MIGA2: variants seen among roughly 807,000 people sequenced by gnomAD.
MIGA2 encodes the protein family with sequence similarity 73, member B.
In MIGA2, 36 loss-of-function variants were observed where a neutral mutation model predicts 69.9. The observed-to-expected ratio is 0.52, with a 90% CI of 0.39 to 0.68. The LOEUF (loss-of-function observed/expected upper bound fraction) is 0.68. Among genes scored for constraint, MIGA2 ranks in the 30% least tolerant of loss-of-function variants. The probability of loss-of-function intolerance (pLI) is 0.00; values close to 1 mark genes in which losing one functional copy is unlikely to be tolerated. For synonymous variants in MIGA2, 333 were observed against 349.2 expected, an observed-to-expected ratio of 0.95 and a Z score of 0.52; for missense variants, 660 against 787.7, an observed-to-expected ratio of 0.84 and a Z score of 1.94.
intron 5 of MIGA2, 144 bp from the exon 6 acceptor site, chr9:129,049,683 G>A: frequency 7.4e-7 from 1 of 1,350,156 alleles, no homozygotes; most frequent in Non-Finnish European, 1.0e-6. Flanking sequence ...CTGAAAGAAG[G>A]CCTGGAACCT....
At chr9:129,043,722 G>A (rs1406632948) in intron 3 of MIGA2, among the ~76,000 whole-genome samples, 4 of 150,326 alleles carry the variant, frequency 2.7e-5, no homozygotes, top group African/African-American at 9.8e-5. Flanking sequence ...TTTTTGAGAC[G>A]GAGTCTCACT....
chr9:129,048,370 C>A (rs556165816), intron 3 of MIGA2, 57 bp from the exon 4 acceptor site: 2 of 1,389,856 alleles, frequency 1.4e-6, no homozygotes, highest in Non-Finnish European at 2.0e-6. Flanking sequence ...GTGGGGGCAG[C>A]CCGTGTAAAG....
intron 1 of MIGA2, chr9:129,036,913 C>G (rs1844619478): frequency 2.0e-6 from 2 of 998,714 alleles, no homozygotes; most frequent in African/African-American, 1.8e-5. Flanking sequence ...TGGAACGTGG[C>G]GGGGATTGGA....
rs1845962277 is a variant in MIGA2, at chr9:129,059,628, A to G, written c.793+357A>G. On this transcript the variant is annotated intron_variant, in intron 7 of 15. Transcript: ENST00000684074. The surrounding 1 kb of genome is among the most constrained non-coding windows in gnomAD (Gnocchi z 5.6). ...TGGCTCAAACTGGGTGGGTGGATGG[A>G]GTGACTCACGGGAGGTTCACTCAGA... Among the ~76,000 whole-genome samples, 1 of 152,114 alleles carries G rather than the reference A, an allele frequency of 6.6e-6. No homozygotes were observed. The highest frequency in any genetic ancestry group is 1.5e-5 in the Non-Finnish European group (1 of 68,016).
intron 3 of MIGA2, among the ~76,000 whole-genome samples, chr9:129,046,691 C>T (rs765186439): frequency 6.6e-6 from 1 of 152,126 alleles, no homozygotes; most frequent in African/African-American, 2.4e-5. Context: ...AGGTGATCTG[C>T]CCACTTCGTT....
rs572267556 is a variant in MIGA2 at position 129,063,921 on chromosome 9, G to A, written c.1170+290G>A. On this transcript the variant is annotated intron_variant, in intron 11 of 15. Coordinates refer to ENST00000684074, the MANE Select transcript of MIGA2 (RefSeq NM_001329990.2). ...CGGAGGGTCCCATTGCGTGGAGAGC[G>A]CCACACGAGGCCTCCATTCCCTGAT... 3.5e-4 allele frequency among the ~76,000 whole-genome samples: 53 copies of A among 152,282 alleles called. No individual in the cohort carries two copies. The South Asian group carries it at 0.01, about 29-fold the overall frequency.
In MIGA2 at chr9:129,060,564, C is replaced by CT; in HGVS notation, c.809dup (p.Pro271AlafsTer14). ...GCTCTTCCCAGAGAGGACCCTCATGCTGCCCCTGACCGAGGGCTCGCTGCG... is the reference window on the plus strand; with the variant it reads ...GCTCTTCCCAGAGAGGACCCTCATGCTTGCCCCTGACCGAGGGCTCGCTGCG... On this transcript the variant is annotated frameshift_variant, in exon 8 of 16. Coordinates refer to ENST00000684074, the MANE Select transcript of MIGA2 (RefSeq NM_001329990.2). LOFTEE classifies it high-confidence loss of function. The surrounding 1 kb of genome is among the most constrained non-coding windows in gnomAD (Gnocchi z 4.8). The CT allele has an allele frequency of 1.3e-6, 2 of 1,599,434 alleles. No homozygotes were observed. Among genetic ancestry groups the CT allele is most frequent in the Non-Finnish European group, 1.7e-6 (2 of 1,172,626 alleles).
Position 129,069,226 on chromosome 9 carries a change from C to A in MIGA2, c.1458+97C>A, listed in dbSNP as rs957728111. 4.1e-6 allele frequency: 6 copies of A among 1,457,608 alleles called. No homozygotes were observed. The African/African-American group carries it at 4.2e-5, about 10-fold the overall frequency. The allele number at this position is 1,457,608 out of a possible 1,614,324, so 90.3% of individuals were successfully genotyped here. ...CAGGGTGGCTCGCTGGGCCACTTGG[C>A]CTTCACCGCTCACAGTCCTGGCCCC... On this transcript the variant is annotated intron_variant, in intron 14 of 15. Transcript: ENST00000684074. This position sits in a 1 kb window ranked among gnomAD's most constrained non-coding sequence, Gnocchi z 4.9.
chr9:129,040,750 G>T (rs1844857395), intron 2 of MIGA2, 60 bp downstream of exon 2: 16 of 1,479,858 alleles, frequency 1.1e-5, no homozygotes, highest in Admixed American at 9.0e-5. Flanking sequence ...TCAGCCAAGG[G>T]CTCCTCCGTG....
Position 129,067,884 on chromosome 9 carries a change from G to T in MIGA2, c.1269+13G>T, listed in dbSNP as rs1238280521. 1 of 1,607,488 alleles carries T rather than the reference G, an allele frequency of 6.2e-7. No homozygotes were observed. Among genetic ancestry groups the T allele is most frequent in the East Asian group, 2.2e-5 (1 of 44,786 alleles). On this transcript the variant is annotated intron_variant, in intron 12 of 15. Transcript: ENST00000684074. ...GGAGGGCCGAGGGGTGAGTTGCTTT[G>T]TGCTGAACCCCGACATCCCGGGCTC...
Position 129,059,296 on chromosome 9 carries a change from G to T in MIGA2, c.793+25G>T. The T allele has an allele frequency of 6.5e-7, 1 of 1,531,590 alleles. No individual in the cohort carries two copies. The highest frequency in any genetic ancestry group is 8.9e-7 in the Non-Finnish European group (1 of 1,126,876). 94.9% of individuals were successfully genotyped at this position (1,531,590 alleles called of 1,614,324 possible). A position where few individuals can be genotyped will look rare whatever the true frequency, so the allele number is the denominator to read the frequency against. On this transcript the variant is annotated intron_variant, in intron 7 of 15. Transcript: ENST00000684074. The surrounding 1 kb of genome is among the most constrained non-coding windows in gnomAD (Gnocchi z 5.6). ...GGTGAGCTGGGCCCAGTGCAGGTGG[G>T]GTGGGCGTGGAGGGTGGCAGGGATG...
intron 2 of MIGA2, among the ~76,000 whole-genome samples, chr9:129,041,783 G>A (rs1037094840): frequency 6.6e-6 from 1 of 152,206 alleles, no homozygotes; most frequent in African/African-American, 2.4e-5. Context: ...AGGCCTGGGG[G>A]GCAGAGGGTG....
chr9:129,066,425 G>A (rs143085033), intron 11 of MIGA2, among the ~76,000 whole-genome samples: 1,705 of 151,358 alleles, frequency 0.011, 31 homozygotes, highest in African/African-American at 0.038. Flanking sequence ...CTGTAATCCC[G>A]GCACTTTGGG....
chr9:129,040,415 C>G, intron 1 of MIGA2, 37 bp from the exon 2 acceptor site: 1 of 1,343,400 alleles, frequency 7.4e-7, no homozygotes, highest in Non-Finnish European at 9.7e-7. Context: ...TTCCCGTGTG[C>G]ACGTTCTCTT....
chr9:129,041,160 C>T (rs546767606), intron 2 of MIGA2, among the ~76,000 whole-genome samples: 38 of 152,260 alleles, frequency 2.5e-4, no homozygotes, highest in African/African-American at 8.9e-4. Context: ...TATGGTGAAA[C>T]GCTATCTCTA....
At chr9:129,065,503 C>T (rs1253891528) in intron 11 of MIGA2, among the ~76,000 whole-genome samples, 3 of 151,994 alleles carry the variant, frequency 2.0e-5, no homozygotes, top group Non-Finnish European at 4.4e-5. Context: ...GTGTGCGCCA[C>T]CACACCCAGC....
chr9:129,064,210 G>A (rs996145241), intron 11 of MIGA2, among the ~76,000 whole-genome samples: 5 of 151,262 alleles, frequency 3.3e-5, no homozygotes, highest in Non-Finnish European at 7.4e-5. Flanking sequence ...TGATTTTTTC[G>A]TCTTTTTTTT....
chr9:129,047,722 T>TTA (rs957697764), intron 3 of MIGA2, among the ~76,000 whole-genome samples: 152 of 151,212 alleles, frequency 1.0e-3, no homozygotes, highest in African/African-American at 2.2e-3. Flanking sequence ...CTAAAAAAAT[T>TTA]TATATATATA....
chr9:129,037,009 G>C, intron 1 of MIGA2: 1 of 1,002,766 alleles, frequency 1.0e-6, no homozygotes, highest in South Asian at 4.7e-5. Context: ...GCGCCAGAGG[G>C]TACCTGGGTG....
Sources: gnomAD v4.1 joint callset for allele counts (sites outside exome capture counted in the v4.1 genomes callset) on GRCh38, gnomAD v4.1.1 for gene constraint, Gnocchi (gnomAD v3.1) non-coding constraint, MANE v1.5 for transcripts, NCBI Gene and HGNC (gene_info 2026-07-23, HGNC 2026-07-21) for gene names.